ZMAT4: variants seen among roughly 807,000 people sequenced by gnomAD.
The protein encoded by ZMAT4 is zinc finger matrin-type 4.
A neutral mutation model predicts 28.7 loss-of-function variants in ZMAT4; 17 were observed. The observed-to-expected ratio is 0.59, with a 90% CI of 0.41 to 0.89. The LOEUF (loss-of-function observed/expected upper bound fraction) is 0.89, where lower values mean the gene tolerates loss of function less well. ZMAT4 is among the 40% of genes least tolerant of loss of function. The probability of loss-of-function intolerance (pLI) is 0.00; values close to 1 mark genes in which losing one functional copy is unlikely to be tolerated. For synonymous variants in ZMAT4, 117 were observed against 109.2 expected (o/e 1.07, Z -0.44); for missense variants, 240 against 283.8 (o/e 0.85, Z 1.11).
chr8:40,771,750 A>G (rs1471471257), intron 2 of ZMAT4, among the ~76,000 whole-genome samples: 2 of 152,220 alleles, frequency 1.3e-5, no homozygotes, highest in Non-Finnish European at 2.9e-5. Context: ...TCTGTGTATA[A>G]ATAGAGACTA....
intron 1 of ZMAT4, among the ~76,000 whole-genome samples, chr8:40,867,069 A>T (rs1219584780): frequency 6.6e-6 from 1 of 151,976 alleles, no homozygotes; most frequent in Non-Finnish European, 1.5e-5. Context: ...TACAGCCTCC[A>T]CCATTGGAAG....
At chr8:40,649,742 A>G (rs1807542162) in intron 5 of ZMAT4, among the ~76,000 whole-genome samples, 1 of 152,140 alleles carries the variant, frequency 6.6e-6, no homozygotes, top group South Asian at 2.1e-4. Context: ...ACCACAGTGC[A>G]ATCAAACTAG....
chr8:40,667,837 AAAAAAAAAAAACAAC>A (rs1192026636), intron 5 of ZMAT4, among the ~76,000 whole-genome samples: 1 of 144,956 alleles, frequency 6.9e-6, no homozygotes, highest in Admixed American at 6.8e-5. Flanking sequence ...CATTATTTAA[AAAAAAAAAAAACAAC>A]AAAAAAAAAA....
intron 3 of ZMAT4, among the ~76,000 whole-genome samples, chr8:40,722,331 C>T (rs1811137347): frequency 6.6e-6 from 1 of 152,192 alleles, no homozygotes; most frequent in Non-Finnish European, 1.5e-5. Context: ...AGGTTTCCTA[C>T]ACCTTATATA....
At chr8:40,640,563 CA>C (rs761544675) in intron 5 of ZMAT4, among the ~76,000 whole-genome samples, 1 of 152,010 alleles carries the variant, frequency 6.6e-6, no homozygotes, top group African/African-American at 2.4e-5. Context: ...AAAGATGTAT[CA>C]GAAACTTGCC....
chr8:40,647,881 A>AAACTAAC (rs1293602918), intron 5 of ZMAT4, among the ~76,000 whole-genome samples: 1 of 152,214 alleles, frequency 6.6e-6, no homozygotes, highest in African/African-American at 2.4e-5. Flanking sequence ...GTTAGAAGGA[A>AAACTAAC]AACTAACAAA....
intron 5 of ZMAT4, among the ~76,000 whole-genome samples, chr8:40,631,285 G>A (rs1159142793): frequency 2.0e-5 from 3 of 152,148 alleles, no homozygotes; most frequent in African/African-American, 4.8e-5. Flanking sequence ...AGCCTCCCGA[G>A]TAGTTGGGAC....
chr8:40,550,391 A>C (rs1032427675), intron 6 of ZMAT4, among the ~76,000 whole-genome samples: 2 of 152,098 alleles, frequency 1.3e-5, no homozygotes, highest in Non-Finnish European at 2.9e-5. Context: ...TGTTTTCCAT[A>C]ATAAAATTCC....
At chr8:40,871,694 TAGCCCAGGACAGCACTG>T (rs1308878220) in intron 1 of ZMAT4, among the ~76,000 whole-genome samples, 2 of 152,184 alleles carry the variant, frequency 1.3e-5, no homozygotes, top group Non-Finnish European at 2.9e-5. Flanking sequence ...ACCCGCTAGC[TAGCCCAGGACAGCACTG>T]AGGTGTGGAC....
chr8:40,786,331 T>C (rs957371661), intron 2 of ZMAT4, among the ~76,000 whole-genome samples: 4 of 152,200 alleles, frequency 2.6e-5, no homozygotes, highest in Non-Finnish European at 4.4e-5. Context: ...AGGCTTTTTT[T>C]ACTAGATTAA....
chr8:40,837,185 G>C (rs537562400), intron 1 of ZMAT4, among the ~76,000 whole-genome samples: 31 of 152,306 alleles, frequency 2.0e-4, no homozygotes, highest in African/African-American at 7.2e-4. Flanking sequence ...CTGATGAAAT[G>C]TGCACAAAAA....
chr8:40,704,614 C>T (rs998214665), intron 3 of ZMAT4, among the ~76,000 whole-genome samples: 2 of 152,156 alleles, frequency 1.3e-5, no homozygotes, highest in African/African-American at 4.8e-5. Context: ...TTTATAAGAA[C>T]TTTAGAAGTT....
intron 5 of ZMAT4, among the ~76,000 whole-genome samples, chr8:40,654,763 T>C (rs1807841107): frequency 6.6e-6 from 1 of 152,126 alleles, no homozygotes; most frequent in African/African-American, 2.4e-5. Context: ...CACCCTTTCA[T>C]GCTGAAAACA....
intron 3 of ZMAT4, among the ~76,000 whole-genome samples, chr8:40,705,643 A>C (rs1018220434): frequency 6.6e-6 from 1 of 152,238 alleles, no homozygotes; most frequent in African/African-American, 2.4e-5. Context: ...AATTCTATGC[A>C]TTTGAAGCAT....
At chr8:40,773,789 G>T (rs1386659335) in intron 2 of ZMAT4, among the ~76,000 whole-genome samples, 1 of 151,822 alleles carries the variant, frequency 6.6e-6, no homozygotes, top group Non-Finnish European at 1.5e-5. Context: ...ATCAACACAG[G>T]AGATCTATGT....
chr8:40,839,691 T>C (rs926324876), intron 1 of ZMAT4, among the ~76,000 whole-genome samples: 1 of 152,206 alleles, frequency 6.6e-6, no homozygotes, highest in Non-Finnish European at 1.5e-5. Flanking sequence ...ATATCTTAAG[T>C]GAAACATGCC....
intron 1 of ZMAT4, among the ~76,000 whole-genome samples, chr8:40,844,485 C>G (rs1389237280): frequency 2.0e-5 from 3 of 152,148 alleles, no homozygotes; most frequent in African/African-American, 7.2e-5. Flanking sequence ...CAGATTCAAG[C>G]TGAATTACAT....
intron 5 of ZMAT4, among the ~76,000 whole-genome samples, chr8:40,630,123 A>G (rs1806521858): frequency 6.6e-6 from 1 of 152,088 alleles, no homozygotes; most frequent in Admixed American, 6.6e-5. Flanking sequence ...GAAATGTCCA[A>G]CCCTCAACAG....
At chr8:40,589,536 T>G (rs766484296) in intron 5 of ZMAT4, among the ~76,000 whole-genome samples, 1 of 152,182 alleles carries the variant, frequency 6.6e-6, no homozygotes, top group Non-Finnish European at 1.5e-5. Flanking sequence ...CATTGGGACC[T>G]AGAAATCTAT....
Sources: gnomAD v4.1 joint callset for allele counts (sites outside exome capture counted in the v4.1 genomes callset) on GRCh38, gnomAD v4.1.1 for gene constraint, MANE v1.5 for transcripts, NCBI Gene and HGNC (gene_info 2026-07-23, HGNC 2026-07-21) for gene names.